FHL2: variants seen among roughly 807,000 people sequenced by gnomAD.
The protein encoded by FHL2 is four and a half LIM domains protein 2.
FHL2 carries 20 observed loss-of-function variants against 32.7 expected under a neutral mutation model. The observed-to-expected ratio is 0.61, with a 90% CI of 0.43 to 0.89. The LOEUF is 0.89. FHL2 is among the 40% of genes least tolerant of loss of function. The pLI, the probability that FHL2 is intolerant of heterozygous loss-of-function variation, is 0.00. For synonymous variants in FHL2, 123 were observed against 128.1 expected (o/e 0.96, Z 0.27); for missense variants, 311 against 358.6 (o/e 0.87, Z 1.07).
chr2:105,431,904 G>A (rs762385772), intron 1 of FHL2, among the ~76,000 whole-genome samples: 7 of 152,232 alleles, frequency 4.6e-5, no homozygotes, highest in Non-Finnish European at 7.3e-5. Flanking sequence ...CAGCAGGCCA[G>A]GATCCTGCCG....
At position 105,393,657 on chromosome 2, in the gene FHL2, C is replaced by T. The variant is rs557245272; in HGVS notation, c.-25+2990G>A. On this transcript the variant is annotated intron_variant, in intron 2 of 6. Coordinates refer to ENST00000530340, the MANE Select transcript of FHL2 (RefSeq NM_001318895.3). ...TGGAATGGATGAACAAATGAATTGA[C>T]GGGTGGATGAATACAAACATGTCAG... Among the ~76,000 whole-genome samples, 105 of 152,244 alleles carry T rather than the reference C, an allele frequency of 6.9e-4. 1 individual carries two copies. The highest frequency in any genetic ancestry group is 2.2e-3 in the African/African-American group (93 of 41,540).
In FHL2 at chr2:105,399,036, C is replaced by G. The variant is rs1683348863; in HGVS notation, c.-270G>C. The G allele has an allele frequency of 4.0e-6, 6 of 1,495,624 alleles. No homozygotes were observed. The highest frequency in any genetic ancestry group is 1.5e-5 in the African/African-American group (1 of 68,318). The allele number at this position is 1,495,624 out of a possible 1,614,324, so 92.6% of individuals were successfully genotyped here. A position where few individuals can be genotyped will look rare whatever the true frequency, so the allele number is the denominator to read the frequency against. On this transcript the variant is annotated 5_prime_UTR_variant, in exon 1 of 7. Transcript: ENST00000530340. ...GCGCGGGCGGCTGGTGGCTGCGGCT[C>G]CGCTGCCGGCCGAGTGGAGCGCTGC... is the stretch of plus-strand genomic sequence containing the variant.
At chr2:105,419,094 C>A (rs1396753783) in intron 1 of FHL2, among the ~76,000 whole-genome samples, 1 of 152,064 alleles carries the variant, frequency 6.6e-6, no homozygotes, top group African/African-American at 2.4e-5. Context: ...TTTCCTATAC[C>A]CATACATCAG....
chr2:105,416,376 T>C (rs1181075868), intron 1 of FHL2, among the ~76,000 whole-genome samples: 2 of 152,250 alleles, frequency 1.3e-5, no homozygotes, highest in Non-Finnish European at 2.9e-5. Flanking sequence ...TATGTGGTTT[T>C]GGTTGAAATT....
intron 3 of FHL2, among the ~76,000 whole-genome samples, chr2:105,377,044 C>A (rs1375257516): frequency 1.3e-5 from 2 of 152,206 alleles, no homozygotes; most frequent in Non-Finnish European, 1.5e-5. Context: ...AGAATGTGTT[C>A]TGTAACCCAT....
Position 105,361,343 on chromosome 2 carries a change from C to T in FHL2, c.780G>A (p.Gly260=). The T allele has an allele frequency of 6.2e-7, 1 of 1,614,100 alleles. No individual in the cohort carries two copies. Among genetic ancestry groups the T allele is most frequent in the South Asian group, 1.1e-5 (1 of 91,068 alleles). ...NCKKCSLSLV[G]RGFLTERDDI... ...CGTCCCTCTCTGTGAGGAAGCCACGCCCCACCAGTGAGAGGGAGCACTTCT... is the reference window on the plus strand; with the variant it reads ...CGTCCCTCTCTGTGAGGAAGCCACGTCCCACCAGTGAGAGGGAGCACTTCT... The change falls in exon 7 of 7, where the codon GGG becomes GGA. Residue 260 remains glycine, a synonymous_variant. Coordinates refer to ENST00000530340, the MANE Select transcript of FHL2 (RefSeq NM_001318895.3).
chr2:105,412,443 G>C (rs1185336032), intron 1 of FHL2, among the ~76,000 whole-genome samples: 2 of 152,228 alleles, frequency 1.3e-5, no homozygotes, highest in African/African-American at 4.8e-5. Context: ...TATTGAAACA[G>C]AAGCAGTTTG....
At chr2:105,381,505 A>G (rs1039075607) in intron 3 of FHL2, among the ~76,000 whole-genome samples, 1 of 152,110 alleles carries the variant, frequency 6.6e-6, no homozygotes, top group Admixed American at 6.6e-5. Context: ...GCCTCGGTGC[A>G]TGCGAGGTCA....
chr2:105,381,310 G>A (rs1681867335), intron 3 of FHL2, among the ~76,000 whole-genome samples: 1 of 152,140 alleles, frequency 6.6e-6, no homozygotes, highest in South Asian at 2.1e-4. Flanking sequence ...CAGCAGAAAT[G>A]ACAGCACTGT....
upstream of FHL2, among the ~76,000 whole-genome samples, chr2:105,402,448 A>G (rs1453669534): frequency 3.3e-5 from 5 of 152,022 alleles, no homozygotes; most frequent in Non-Finnish European, 7.4e-5. Flanking sequence ...AGGTTTCATC[A>G]TGTTAGCCAG....
intron 4 of FHL2, among the ~76,000 whole-genome samples, chr2:105,372,493 G>A (rs956318610): frequency 2.0e-5 from 3 of 152,078 alleles, no homozygotes; most frequent in Admixed American, 2.0e-4. Context: ...GCAAAGTGCT[G>A]GGATTACAGG....
At position 105,419,809 on chromosome 2, in the gene FHL2, G is replaced by T. The variant is rs564394247; in HGVS notation, c.-25+18590C>A. The stretch of plus-strand genomic sequence containing the variant: ...TAATAACATAAAATAAGATTTGTCT[G>T]TCTTTTCTCCTGATGGTCTCACTTT... On this transcript the variant is annotated intron_variant, in intron 1 of 5. Coordinates refer to the FHL2 transcript ENST00000393352. 5.9e-5 allele frequency among the ~76,000 whole-genome samples: 9 copies of T among 152,282 alleles called. No homozygotes were observed. In the South Asian group the frequency reaches 1.0e-3, roughly 18 times the overall value.
intron 1 of FHL2, among the ~76,000 whole-genome samples, chr2:105,412,631 C>G (rs1038267734): frequency 6.6e-6 from 1 of 152,146 alleles, no homozygotes; most frequent in Non-Finnish European, 1.5e-5. Flanking sequence ...CAAGAAAGCA[C>G]GTGGATGGTT....
rs538477879 is a variant in FHL2 at position 105,435,199 on chromosome 2, A to G, written c.-25+3200T>C. Among the ~76,000 whole-genome samples, 15 of 152,310 alleles carry G rather than the reference A, an allele frequency of 9.8e-5. 1 individual carries two copies. In the East Asian group the frequency reaches 2.5e-3, roughly 25 times the overall value. ...TATTTTTGATGGTTGCATATATTCC[A>G]TACTATGGCTAATCATATTTTATTT... On this transcript the variant is annotated intron_variant, in intron 1 of 5. Coordinates refer to the FHL2 transcript ENST00000393352.
chr2:105,371,291 C>T (rs181810169), intron 4 of FHL2, among the ~76,000 whole-genome samples: 3 of 152,126 alleles, frequency 2.0e-5, no homozygotes, highest in Non-Finnish European at 2.9e-5. Context: ...ACGTTACCCA[C>T]GTATCAGGGC....
chr2:105,400,089 G>A (rs975352865), upstream of FHL2, among the ~76,000 whole-genome samples: 5 of 152,144 alleles, frequency 3.3e-5, no homozygotes, highest in Non-Finnish European at 7.3e-5. Context: ...TCCACTCGGT[G>A]AGCACTAGCT....
chr2:105,395,029 C>A (rs150063294), intron 2 of FHL2, among the ~76,000 whole-genome samples: 7 of 152,196 alleles, frequency 4.6e-5, no homozygotes, highest in East Asian at 1.9e-4. Context: ...TGTCGTTCAG[C>A]CTTTTGAACC....
chr2:105,368,556 G>A (rs535956154), intron 4 of FHL2, among the ~76,000 whole-genome samples: 2 of 152,224 alleles, frequency 1.3e-5, no homozygotes, highest in East Asian at 3.9e-4. Context: ...GCCATCCATT[G>A]TCTTTTGAAT....
At chr2:105,403,870 T>A (rs538265517), upstream of FHL2, among the ~76,000 whole-genome samples, 371 of 152,276 alleles carry the variant, frequency 2.4e-3, no homozygotes, top group African/African-American at 8.5e-3. Context: ...AGGTAGAAGT[T>A]TGAGCCAGGA....
Sources: gnomAD v4.1 joint callset for allele counts (sites outside exome capture counted in the v4.1 genomes callset) on GRCh38, gnomAD v4.1.1 for gene constraint, MANE v1.5 for transcripts, NCBI Gene and HGNC (gene_info 2026-07-23, HGNC 2026-07-21) for gene names.